The following INPP5D variants were observed in gnomAD, a reference collection of about 807,000 sequenced individuals.
INPP5D encodes the protein inositol polyphosphate-5-phosphatase D.
Under a neutral mutation model 122.9 loss-of-function variants are expected in INPP5D, and 33 were observed. The observed-to-expected ratio is 0.27, with a 90% CI of 0.20 to 0.36. The LOEUF is 0.36. Among genes scored for constraint, INPP5D ranks in the 10% least tolerant of loss-of-function variants. The probability of loss-of-function intolerance (pLI) is 1.00; values close to 1 mark genes in which losing one functional copy is unlikely to be tolerated. For synonymous variants in INPP5D, 584 were observed against 576.2 expected, an observed-to-expected ratio of 1.01 and a Z score of -0.19; for missense variants, 1,053 against 1,412.7, an observed-to-expected ratio of 0.75 and a Z score of 4.08.
Position 233,159,723 on chromosome 2 carries a change from G to A in INPP5D, c.1137+1304G>A, listed in dbSNP as rs186750330. ...AAAAAAAAAAAAAAAAGATTGCAGC[G>A]CAATAAGGGTGTCCATCACATCAGG... On this transcript the variant is annotated intron_variant, in intron 10 of 26. Coordinates refer to ENST00000445964, the MANE Select transcript of INPP5D (RefSeq NM_001017915.3). 1.0e-3 allele frequency among the ~76,000 whole-genome samples: 149 copies of A among 146,750 alleles called. 1 individual carries two copies. Among genetic ancestry groups the A allele is most frequent in the African/African-American group, 3.5e-3 (136 of 38,874 alleles).
At chr2:233,174,393 A>G (rs1450437309) in intron 17 of INPP5D, among the ~76,000 whole-genome samples, 1 of 152,258 alleles carries the variant, frequency 6.6e-6, no homozygotes, top group Non-Finnish European at 1.5e-5. Flanking sequence ...ATAATTTTGT[A>G]GGACCTCTGT....
At chr2:233,139,111 C>T (rs1488860918) in intron 5 of INPP5D, among the ~76,000 whole-genome samples, 4 of 151,960 alleles carry the variant, frequency 2.6e-5, no homozygotes, top group Non-Finnish European at 4.4e-5. Flanking sequence ...ATCTAGCAAT[C>T]GATTTCAGCA....
intron 13 of INPP5D, among the ~76,000 whole-genome samples, chr2:233,165,546 G>A (rs1392063674): frequency 6.6e-6 from 1 of 151,844 alleles, no homozygotes; most frequent in African/African-American, 2.4e-5. Flanking sequence ...CTATGAGTGT[G>A]TGAGTGTCTA....
At chr2:233,068,902 G>T (rs1691304069) in intron 1 of INPP5D, among the ~76,000 whole-genome samples, 1 of 152,146 alleles carries the variant, frequency 6.6e-6, no homozygotes, top group African/African-American at 2.4e-5. Context: ...AAGGGATGGG[G>T]GCACAGAGGC....
At chr2:233,184,205 C>T (rs547099914) in intron 19 of INPP5D, among the ~76,000 whole-genome samples, 2 of 152,268 alleles carry the variant, frequency 1.3e-5, no homozygotes, top group South Asian at 4.1e-4. Context: ...CGCTCTCTGC[C>T]CTGGCCAGCT....
intron 22 of INPP5D, 70 bp from the exon 23 acceptor site, chr2:233,193,742 G>A (rs1372477256): frequency 8.1e-6 from 13 of 1,610,178 alleles, no homozygotes; most frequent in Non-Finnish European, 9.3e-6. Context: ...CAACTCTCCG[G>A]CCAAGAGTTT....
At chr2:233,169,981 G>A (rs761610160) in intron 14 of INPP5D, 45 bp from the exon 15 acceptor site, 2 of 1,612,508 alleles carry the variant, frequency 1.2e-6, no homozygotes, top group Admixed American at 1.7e-5. Context: ...AGTGGAGGGG[G>A]AACCAGTGAC....
intron 25 of INPP5D, among the ~76,000 whole-genome samples, chr2:233,202,349 A>G (rs1695363091): frequency 1.3e-5 from 2 of 152,172 alleles, no homozygotes; most frequent in African/African-American, 4.8e-5. Context: ...GGCCCTTTCC[A>G]AAGTCCTTGT....
At chr2:233,121,762 G>A (rs1321445163) in intron 2 of INPP5D, among the ~76,000 whole-genome samples, 1 of 152,022 alleles carries the variant, frequency 6.6e-6, no homozygotes, top group African/African-American at 2.4e-5. Context: ...CTGACCTCAG[G>A]TGATCCACCT....
At chr2:233,152,866 G>C (rs574989314) in intron 9 of INPP5D, among the ~76,000 whole-genome samples, 5 of 152,182 alleles carry the variant, frequency 3.3e-5, no homozygotes, top group Admixed American at 1.3e-4. Context: ...TTTCAGCTGG[G>C]GGGGGTGTGG....
rs142175518 is a variant in INPP5D, at chr2:233,162,425, T to C, written c.1240+599T>C. Among the ~76,000 whole-genome samples, 1,272 of 151,464 alleles carry C rather than the reference T, an allele frequency of 8.4e-3. 18 individuals are homozygous for C. Among genetic ancestry groups the C allele is most frequent in the African/African-American group, 0.029 (1,217 of 41,424 alleles). On this transcript the variant is annotated intron_variant, in intron 11 of 26. Coordinates refer to ENST00000445964, the MANE Select transcript of INPP5D (RefSeq NM_001017915.3). ...ATAAGTGTAATTATTATATTAAATA[T>C]GAATTATACTAAGTAATATTAGTTT...
At chr2:233,088,918 G>A (rs959255343) in intron 2 of INPP5D, among the ~76,000 whole-genome samples, 2 of 152,226 alleles carry the variant, frequency 1.3e-5, no homozygotes, top group African/African-American at 4.8e-5. Flanking sequence ...TCGGGGCCCA[G>A]GCGCGAGGGT....
rs12694929 is a variant in INPP5D at position 233,128,186 on chromosome 2, T to C, written c.524+2267T>C. ...ACTTGAGGGATCTAGGCTGCACGCC[T>C]CTTAGGAGAATCTAACTAACGCCTG... On this transcript the variant is annotated intron_variant, in intron 4 of 26. Coordinates refer to ENST00000445964, the MANE Select transcript of INPP5D (RefSeq NM_001017915.3). This position sits in a 1 kb window ranked among gnomAD's most constrained non-coding sequence, Gnocchi z 4.5. Among the ~76,000 whole-genome samples the C allele has an allele frequency of 0.37, 56,770 of 151,934 alleles. 12,402 individuals carry two copies. Among genetic ancestry groups the C allele is most frequent in the Non-Finnish European group, 0.49 (33,073 of 67,918 alleles).
intron 5 of INPP5D, among the ~76,000 whole-genome samples, chr2:233,131,724 G>C (rs1391827873): frequency 2.0e-5 from 3 of 152,012 alleles, no homozygotes; most frequent in Non-Finnish European, 4.4e-5. Context: ...ACAAAGGAAA[G>C]AAAGGTCAAC....
At chr2:233,115,883 T>G (rs572112178) in intron 2 of INPP5D, among the ~76,000 whole-genome samples, 3 of 152,222 alleles carry the variant, frequency 2.0e-5, no homozygotes, top group South Asian at 2.1e-4. Context: ...CAACCACTTA[T>G]GAGCTTGTGG....
intron 22 of INPP5D, among the ~76,000 whole-genome samples, chr2:233,192,218 G>A (rs1052020723): frequency 6.6e-6 from 1 of 152,162 alleles, no homozygotes; most frequent in Non-Finnish European, 1.5e-5. Flanking sequence ...TTGTTAGCAG[G>A]AAACAGGCAG....
rs151225970 is a variant in INPP5D, at chr2:233,119,814, C to G, written c.199-2293C>G. ...CAAGGGCTCGGGAACAGGTCTGAGT[C>G]CTAACCCTGCTCCCTGATGTCTGAA... On this transcript the variant is annotated intron_variant, in intron 2 of 26. Coordinates refer to ENST00000445964, the MANE Select transcript of INPP5D (RefSeq NM_001017915.3). Among the ~76,000 whole-genome samples, 389 of 152,320 alleles carry G rather than the reference C, an allele frequency of 2.6e-3. 3 individuals carry two copies. Among genetic ancestry groups the G allele is most frequent in the African/African-American group, 8.8e-3 (364 of 41,566 alleles).
intron 2 of INPP5D, among the ~76,000 whole-genome samples, chr2:233,117,082 G>A (rs1692822930): frequency 6.6e-6 from 1 of 152,154 alleles, no homozygotes; most frequent in South Asian, 2.1e-4. Flanking sequence ...GGGGGCCGCC[G>A]GTAACCATTG....
chr2:233,169,039 TAG>T, intron 13 of INPP5D: 1 of 447,856 alleles, frequency 2.2e-6, no homozygotes, highest in Non-Finnish European at 4.1e-6. Context: ...CTGGTCACTT[TAG>T]AGAGAGATGC....
Sources: allele counts gnomAD v4.1 joint callset (sites outside exome capture counted in the v4.1 genomes callset), GRCh38; gene constraint gnomAD v4.1.1; non-coding constraint Gnocchi (gnomAD v3.1); transcripts MANE v1.5; gene names NCBI Gene and HGNC (gene_info 2026-07-23, HGNC 2026-07-21).